Variants in SLC14A2 observed in about 807,000 individuals in gnomAD.
SLC14A2 encodes the protein urea transporter 2.
Under a neutral mutation model 104.6 loss-of-function variants are expected in SLC14A2, and 91 were observed. That is an observed-to-expected ratio of 0.87 (90% CI 0.73 to 1.04). SLC14A2 has a LOEUF of 1.04. Among genes scored for constraint, SLC14A2 ranks in the 50% least tolerant of loss-of-function variants. The pLI, the probability that SLC14A2 is intolerant of heterozygous loss-of-function variation, is 0.00. For synonymous variants in SLC14A2, 476 were observed against 466.4 expected, an observed-to-expected ratio of 1.02 and a Z score of -0.27; for missense variants, 1,189 against 1,156.0, an observed-to-expected ratio of 1.03 and a Z score of -0.41.
At chr18:45,532,964 T>A (rs2043720467) in intron 2 of SLC14A2, among the ~76,000 whole-genome samples, 1 of 152,112 alleles carries the variant, frequency 6.6e-6, no homozygotes, top group East Asian at 1.9e-4. Flanking sequence ...ATCATGTGGT[T>A]TTTGTCTTTG....
rs2046284527 is a variant in SLC14A2, at chr18:45,679,702, A to G, written c.2562+678A>G. 2.0e-5 allele frequency among the ~76,000 whole-genome samples: 3 copies of G among 152,254 alleles called. No individual in the cohort carries two copies. The South Asian group carries it at 6.2e-4, about 32-fold the overall frequency. On this transcript the variant is annotated intron_variant, in intron 19 of 19. Coordinates refer to ENST00000255226, the MANE Select transcript of SLC14A2 (RefSeq NM_007163.4). ...CAGATAAGGAGGGAGTGGGCATTCTAGTAACACCTGCCTAGATCTCTCCCT... is the reference window on the plus strand; with the variant it reads ...CAGATAAGGAGGGAGTGGGCATTCTGGTAACACCTGCCTAGATCTCTCCCT...
intron 1 of SLC14A2, among the ~76,000 whole-genome samples, chr18:45,456,738 C>A (rs2086950207): frequency 7.1e-6 from 1 of 140,382 alleles, no homozygotes; most frequent in Admixed American, 7.6e-5. Flanking sequence ...TTTTCCTTTT[C>A]TTCCCCAGGA....
intron 1 of SLC14A2, among the ~76,000 whole-genome samples, chr18:45,426,318 G>A (rs1295669347): frequency 2.6e-5 from 4 of 152,026 alleles, no homozygotes; most frequent in South Asian, 2.1e-4. Flanking sequence ...GTTACAAAGC[G>A]TGTAATCATC....
chr18:45,240,641 GTTTTTT>G (rs1231196775), intron 1 of SLC14A2, among the ~76,000 whole-genome samples: 1 of 141,154 alleles, frequency 7.1e-6, no homozygotes, highest in Admixed American at 6.9e-5. Context: ...TTTTTTTTTT[GTTTTTT>G]TTGTTTTTGT....
In SLC14A2 at chr18:45,456,306, C is replaced by T. The variant is rs182623171; in HGVS notation, c.-124-26927C>T. Among the ~76,000 whole-genome samples, 606 of 152,308 alleles carry T rather than the reference C, an allele frequency of 4.0e-3. 2 individuals carry two copies. Among genetic ancestry groups the T allele is most frequent in the Non-Finnish European group, 6.6e-3 (449 of 68,004 alleles). ...TAACTCAGAGCAGCACCATCTGCGA[C>T]CATTCATCCCAGCTCATTCTAAGCA... is the stretch of plus-strand genomic sequence containing the variant. On this transcript the variant is annotated intron_variant, in intron 1 of 20. Transcript: ENST00000586448.
At position 45,512,039 on chromosome 18, in the gene SLC14A2, C is replaced by A. The variant is rs186189366; in HGVS notation, c.-35+28717C>A. On this transcript the variant is annotated intron_variant, in intron 2 of 20. Transcript: ENST00000586448. ...TCTCAGGGAAGGAACCTAGGCAGAG[C>A]CCAGGCAAACAGACTAAAGTTTGAG... 2.6e-3 allele frequency among the ~76,000 whole-genome samples: 392 copies of A among 152,226 alleles called. 2 individuals carry two copies. Among genetic ancestry groups the A allele is most frequent in the African/African-American group, 8.9e-3 (371 of 41,528 alleles).
At chr18:45,374,067 C>T (rs1005484376) in intron 1 of SLC14A2, among the ~76,000 whole-genome samples, 5 of 152,146 alleles carry the variant, frequency 3.3e-5, no homozygotes, top group African/African-American at 1.2e-4. Flanking sequence ...TCATTTTAGT[C>T]CTCTTAAGAT....
At chr18:45,320,112 T>G (rs914593982) in intron 1 of SLC14A2, among the ~76,000 whole-genome samples, 2 of 152,222 alleles carry the variant, frequency 1.3e-5, no homozygotes, top group African/African-American at 4.8e-5. Context: ...TTAATAATTG[T>G]TGCAAAAATT....
At chr18:45,183,906 ATTTTTTTTT>A in the SLC14A2 span, among the ~76,000 whole-genome samples, 16 of 62,720 alleles carry the variant, frequency 2.6e-4, 1 homozygote, top group East Asian at 7.1e-3. Context: ...TAATTTTCTA[ATTTTTTTTT>A]TTTTTTTTTT....
At chr18:45,617,605 C>G (rs1407948526) in intron 1 of SLC14A2, among the ~76,000 whole-genome samples, 3 of 152,206 alleles carry the variant, frequency 2.0e-5, no homozygotes, top group Non-Finnish European at 4.4e-5. Flanking sequence ...AGCTACTGGA[C>G]TGTTTACCTG....
intron 6 of SLC14A2, 75 bp from the exon 7 acceptor site, chr18:45,639,671 C>A (rs1328668627): frequency 1.7e-5 from 25 of 1,488,000 alleles, no homozygotes; most frequent in Middle Eastern, 1.7e-4. Context: ...CGAGGAATGG[C>A]TCAAATCTGG....
chr18:45,316,406 T>C (rs966348079), intron 1 of SLC14A2, among the ~76,000 whole-genome samples: 1 of 152,112 alleles, frequency 6.6e-6, no homozygotes, highest in Non-Finnish European at 1.5e-5. Flanking sequence ...AGAGGTTAAG[T>C]GACCCAGAGG....
chr18:45,312,592 C>T (rs1476665536), intron 1 of SLC14A2, among the ~76,000 whole-genome samples: 1 of 152,052 alleles, frequency 6.6e-6, no homozygotes, highest in African/African-American at 2.4e-5. Context: ...AAAATTATTG[C>T]TACAAAAATA....
intron 1 of SLC14A2, among the ~76,000 whole-genome samples, chr18:45,384,157 G>A (rs910131971): frequency 6.6e-6 from 1 of 152,146 alleles, no homozygotes; most frequent in African/African-American, 2.4e-5. Context: ...GCTAGGACTA[G>A]AAGTCTTTGT....
upstream of SLC14A2, among the ~76,000 whole-genome samples, chr18:45,208,760 G>A (rs765095217): frequency 5.3e-5 from 8 of 151,972 alleles, no homozygotes; most frequent in Non-Finnish European, 1.0e-4. Context: ...CAGAGTGAGT[G>A]TACTTAGGGA....
the SLC14A2 span, among the ~76,000 whole-genome samples, chr18:45,183,171 G>C: frequency 6.6e-6 from 1 of 152,136 alleles, no homozygotes; most frequent in Non-Finnish European, 1.5e-5. Flanking sequence ...ACCAGATTGA[G>C]AGGTCGTCTT....
At chr18:45,448,099 G>A (rs2086799302) in intron 1 of SLC14A2, among the ~76,000 whole-genome samples, 1 of 152,222 alleles carries the variant, frequency 6.6e-6, no homozygotes, top group Admixed American at 6.5e-5. Flanking sequence ...AGCAATGAGT[G>A]TATGACTGGC....
intron 1 of SLC14A2, among the ~76,000 whole-genome samples, chr18:45,388,480 G>A (rs531374700): frequency 6.6e-6 from 1 of 152,238 alleles, no homozygotes; most frequent in South Asian, 2.1e-4. Context: ...ACAGGGCATA[G>A]GCTGGTTGGA....
chr18:45,298,058 A>T (rs1254314447), intron 1 of SLC14A2, among the ~76,000 whole-genome samples: 3 of 152,262 alleles, frequency 2.0e-5, no homozygotes, highest in Non-Finnish European at 4.4e-5. Context: ...AATTTACTTC[A>T]TCAAGCCACA....
Sources: allele counts gnomAD v4.1 joint callset (sites outside exome capture counted in the v4.1 genomes callset), GRCh38; gene constraint gnomAD v4.1.1; transcripts MANE v1.5; gene names NCBI Gene and HGNC (gene_info 2026-07-23, HGNC 2026-07-21).